The following PLA2G4A variants were observed in gnomAD, a reference collection of about 807,000 sequenced individuals.
PLA2G4A encodes the protein phospholipase A2 group IVA, also known as cytosolic phospholipase A2.
Under a neutral mutation model 81.9 loss-of-function variants are expected in PLA2G4A, and 40 were observed. That is an observed-to-expected ratio of 0.49 (90% CI 0.38 to 0.64). The LOEUF (loss-of-function observed/expected upper bound fraction) is 0.64, where lower values mean the gene tolerates loss of function less well. Ranked by LOEUF, PLA2G4A falls within the 30% of genes least tolerant of loss-of-function variation. The pLI is 0.00. For missense variants in PLA2G4A, 715 were observed against 905.1 expected, an observed-to-expected ratio of 0.79 and a Z score of 2.69; for synonymous variants, 302 against 296.9, an observed-to-expected ratio of 1.02 and a Z score of -0.18.
intron 1 of PLA2G4A, among the ~76,000 whole-genome samples, chr1:186,852,964 C>G (rs1571334450): frequency 6.6e-6 from 1 of 151,866 alleles, no homozygotes; most frequent in East Asian, 1.9e-4. Flanking sequence ...CATTTTGAGC[C>G]TGATTAATAT....
In PLA2G4A at chr1:186,933,829, A is replaced by G. The variant is rs546105319; in HGVS notation, c.695+930A>G. 2.3e-3 allele frequency among the ~76,000 whole-genome samples: 345 copies of G among 152,322 alleles called. 1 individual carries two copies. The highest frequency in any genetic ancestry group is 3.9e-3 in the Non-Finnish European group (262 of 68,004). ...TTTGTCCAACATCACTAGTAGAGCT[A>G]GCATATAAACTCAGGCTTTTGATCT... On this transcript the variant is annotated intron_variant, in intron 8 of 17. Coordinates refer to ENST00000367466, the MANE Select transcript of PLA2G4A (RefSeq NM_024420.3).
intron 3 of PLA2G4A, among the ~76,000 whole-genome samples, chr1:186,874,598 C>T (rs1653402659): frequency 6.6e-6 from 1 of 152,012 alleles, no homozygotes; most frequent in Non-Finnish European, 1.5e-5. Flanking sequence ...CTTTATTAGA[C>T]ACATAAACTC....
intron 15 of PLA2G4A, among the ~76,000 whole-genome samples, chr1:186,975,349 T>G (rs928468307): frequency 6.6e-6 from 1 of 152,248 alleles, no homozygotes; most frequent in African/African-American, 2.4e-5. Flanking sequence ...TCCTTTGTTC[T>G]CCTAGATTTT....
intron 10 of PLA2G4A, among the ~76,000 whole-genome samples, chr1:186,941,808 A>C (rs1317406201): frequency 6.6e-6 from 1 of 152,198 alleles, no homozygotes; most frequent in Non-Finnish European, 1.5e-5. Flanking sequence ...TAAAGAAGTT[A>C]AGGCACAAGA....
intron 5 of PLA2G4A, among the ~76,000 whole-genome samples, chr1:186,904,903 G>A (rs1654679982): frequency 6.6e-6 from 1 of 152,000 alleles, no homozygotes; most frequent in South Asian, 2.1e-4. Context: ...TGCCTAGGCT[G>A]GAGTACAGTG....
intron 7 of PLA2G4A, among the ~76,000 whole-genome samples, chr1:186,917,878 C>A (rs987419970): frequency 6.6e-6 from 1 of 152,216 alleles, no homozygotes; most frequent in African/African-American, 2.4e-5. Flanking sequence ...ATTGTGCTGT[C>A]GGCATGTAAT....
Position 186,946,642 on chromosome 1 carries a change from G to C in PLA2G4A, c.1039G>C (p.Val347Leu). 6.2e-7 allele frequency: 1 copy of C among 1,609,644 alleles called. No individual in the cohort carries two copies. Among genetic ancestry groups the C allele is most frequent in the Non-Finnish European group, 8.5e-7 (1 of 1,176,324 alleles). ...TGTTTTTAAAATACTTTCAGATTGG[G>C]TTGAATTTAGTCCATACGAAATTGG... The part of the protein sequence containing the change: ...DVSELMFADW[V>L]EFSPYEIGMA... Residue 347 changes from valine (V) to leucine (L), a missense_variant, in exon 11 of 18, where the codon GTT (valine) becomes CTT (leucine). Coordinates refer to ENST00000367466, the MANE Select transcript of PLA2G4A (RefSeq NM_024420.3).
At chr1:186,906,879 C>T in intron 5 of PLA2G4A, 86 bp from the exon 6 acceptor site, 5 of 715,012 alleles carry the variant, frequency 7.0e-6, no homozygotes, top group Non-Finnish European at 1.3e-5. Flanking sequence ...AATAATCTGG[C>T]ACTCAAAATT....
At chr1:186,830,136 C>T (rs1048148907) in intron 1 of PLA2G4A, among the ~76,000 whole-genome samples, 2 of 152,116 alleles carry the variant, frequency 1.3e-5, no homozygotes, top group Non-Finnish European at 2.9e-5. Flanking sequence ...GGATAAGAAA[C>T]AGGTATTTAC....
chr1:186,906,875 C>G, intron 5 of PLA2G4A, 90 bp from the exon 6 acceptor site: 1 of 705,792 alleles, frequency 1.4e-6, no homozygotes, highest in Non-Finnish European at 2.6e-6. Flanking sequence ...TAAAAATAAT[C>G]TGGCACTCAA....
At chr1:186,936,764 A>G (rs1191599777) in intron 8 of PLA2G4A, among the ~76,000 whole-genome samples, 1 of 152,028 alleles carries the variant, frequency 6.6e-6, no homozygotes, top group African/African-American at 2.4e-5. Flanking sequence ...TTAAAATGTC[A>G]CAAAATCTAA....
At chr1:186,838,304 T>A (rs1651861372) in intron 1 of PLA2G4A, among the ~76,000 whole-genome samples, 1 of 152,138 alleles carries the variant, frequency 6.6e-6, no homozygotes, top group Admixed American at 6.5e-5. Context: ...AAAGAAAAAT[T>A]GTTTTTAAAG....
At position 186,843,222 on chromosome 1, in the gene PLA2G4A, A is replaced by G. The variant is rs116843741; in HGVS notation, c.-69-11064A>G. Among the ~76,000 whole-genome samples the G allele has an allele frequency of 6.6e-5, 10 of 152,314 alleles. No homozygotes were observed. In the East Asian group the frequency reaches 1.9e-3, roughly 29 times the overall value. On this transcript the variant is annotated intron_variant, in intron 1 of 17. Transcript: ENST00000367466. Reference sequence around the variant, plus strand: ...TTAAATGAGATGGTATATATAAATCACTTAAAGTATCTTGTACTTGGGAAA... The same window carrying G: ...TTAAATGAGATGGTATATATAAATCGCTTAAAGTATCTTGTACTTGGGAAA...
chr1:186,875,604 T>C (rs1350842768), intron 3 of PLA2G4A, among the ~76,000 whole-genome samples: 1 of 152,038 alleles, frequency 6.6e-6, no homozygotes, highest in African/African-American at 2.4e-5. Context: ...CTCATACATA[T>C]AAAGATACCT....
intron 1 of PLA2G4A, among the ~76,000 whole-genome samples, chr1:186,848,750 C>A (rs1652273380): frequency 6.6e-6 from 1 of 151,962 alleles, no homozygotes; most frequent in South Asian, 2.1e-4. Context: ...CACACATACA[C>A]ACATACATAC....
chr1:186,973,701 T>C (rs1379834381), intron 15 of PLA2G4A, among the ~76,000 whole-genome samples: 1 of 152,250 alleles, frequency 6.6e-6, no homozygotes, highest in Non-Finnish European at 1.5e-5. Context: ...TATACAACAT[T>C]AGATATAGAA....
intron 7 of PLA2G4A, among the ~76,000 whole-genome samples, chr1:186,918,590 A>G (rs1425306929): frequency 6.6e-6 from 1 of 152,170 alleles, no homozygotes; most frequent in African/African-American, 2.4e-5. Flanking sequence ...GAGTTGATGA[A>G]GCTGCTCCCG....
chr1:186,928,002 A>G (rs1489853289), intron 7 of PLA2G4A, among the ~76,000 whole-genome samples: 1 of 152,058 alleles, frequency 6.6e-6, no homozygotes, highest in Non-Finnish European at 1.5e-5. Flanking sequence ...GGCTCCCTTT[A>G]GTGGAGTATA....
At chr1:186,855,863 G>T (rs938792241) in intron 2 of PLA2G4A, among the ~76,000 whole-genome samples, 2 of 152,016 alleles carry the variant, frequency 1.3e-5, no homozygotes, top group African/African-American at 2.4e-5. Flanking sequence ...GATAGTCTGT[G>T]TTTGCCCCAA....
Sources: allele counts gnomAD v4.1 joint callset (sites outside exome capture counted in the v4.1 genomes callset), GRCh38; gene constraint gnomAD v4.1.1; transcripts MANE v1.5; gene names NCBI Gene and HGNC (gene_info 2026-07-23, HGNC 2026-07-21).